The following CD99L2 variants were observed in gnomAD, a reference collection of about 807,000 sequenced individuals.
The protein encoded by CD99L2 is CD99 antigen-like protein 2.
CD99L2 carries 24 observed loss-of-function variants against 27.3 expected under a neutral mutation model. That is an observed-to-expected ratio of 0.88 (90% CI 0.64 to 1.24). The LOEUF (loss-of-function observed/expected upper bound fraction) is 1.24. Ranked by LOEUF, CD99L2 falls within the 50% of genes most tolerant of loss-of-function variation. The probability of loss-of-function intolerance (pLI) is 0.00; values close to 1 mark genes in which losing one functional copy is unlikely to be tolerated. For synonymous variants in CD99L2, 97 were observed against 87.9 expected (o/e 1.10, Z -0.58); for missense variants, 255 against 221.6 (o/e 1.15, Z -0.96).
intron 9 of CD99L2, chrX:150,771,781 GT>G: frequency 8.7e-7 from 1 of 1,153,546 alleles, no homozygotes; most frequent in Non-Finnish European, 1.1e-6. Context: ...CAAAAGGAAA[GT>G]GAGGAAGGCA....
chrX:150,784,638 A>T lies in CD99L2; in HGVS notation c.497-7156T>A, dbSNP rs1386845751. Among the ~76,000 whole-genome samples the T allele has an allele frequency of 8.0e-5, 9 of 112,211 alleles. No homozygotes were observed. In the Admixed American group the frequency reaches 8.5e-4, roughly 11 times the overall value. On this transcript the variant is annotated intron_variant, in intron 7 of 10. Coordinates refer to ENST00000370377, the MANE Select transcript of CD99L2 (RefSeq NM_031462.4). ...AGGTCATGCCATGATCCCACCAGTA[A>T]TGTGGCCCAGAGGATCAGCAGGCTC...
At chrX:150,889,267 C>T (rs1557422706) in intron 1 of CD99L2, among the ~76,000 whole-genome samples, 1 of 112,747 alleles carries the variant, frequency 8.9e-6, no homozygotes, top group African/African-American at 3.2e-5. Flanking sequence ...TTCAGATCCA[C>T]TCTCTGTGTC....
chrX:150,891,542 G>A (rs782752728), intron 1 of CD99L2, among the ~76,000 whole-genome samples: 97 of 112,011 alleles, frequency 8.7e-4, no homozygotes, highest in Non-Finnish European at 1.7e-3. Context: ...GATAATCCAG[G>A]ATAATAATAT....
intron 1 of CD99L2, among the ~76,000 whole-genome samples, chrX:150,839,674 C>A (rs781989433): frequency 5.5e-5 from 6 of 109,031 alleles, no homozygotes; most frequent in Non-Finnish European, 1.1e-4. Context: ...TCAAGACCAG[C>A]CTGGGTAACA....
intron 1 of CD99L2, among the ~76,000 whole-genome samples, chrX:150,890,625 C>T (rs2047497060): frequency 9.0e-6 from 1 of 110,601 alleles, no homozygotes; most frequent in Non-Finnish European, 1.9e-5. Context: ...CCCGCCCCCA[C>T]CTTGAGAGAG....
chrX:150,853,337 G>C (rs2046821710), intron 1 of CD99L2, among the ~76,000 whole-genome samples: 1 of 111,960 alleles, frequency 8.9e-6, no homozygotes, highest in Admixed American at 9.5e-5. Flanking sequence ...TGGTGGGGCA[G>C]CAAAGAGCAC....
At chrX:150,785,748 G>A (rs983880319) in intron 7 of CD99L2, among the ~76,000 whole-genome samples, 7 of 111,475 alleles carry the variant, frequency 6.3e-5, no homozygotes, top group Non-Finnish European at 7.5e-5. Context: ...CAAATAATAC[G>A]TACTCTTTTT....
intron 1 of CD99L2, among the ~76,000 whole-genome samples, chrX:150,850,222 T>C (rs2046768567): frequency 8.9e-6 from 1 of 112,158 alleles, no homozygotes; most frequent in Non-Finnish European, 1.9e-5. Flanking sequence ...GAAAGTCTCC[T>C]GTATGTCCTA....
Position 150,802,089 on chromosome X carries a change from CTA to C in CD99L2, c.278-6605_278-6604del, listed in dbSNP as rs782603754. Among the ~76,000 whole-genome samples the C allele has an allele frequency of 1.5e-3, 172 of 111,581 alleles. 1 individual carries two copies. The highest frequency in any genetic ancestry group is 2.8e-3 in the Non-Finnish European group (148 of 53,147). On this transcript the variant is annotated intron_variant, in intron 4 of 10. Transcript: ENST00000370377. ...ATATATACAGATTGGAAAGGAAGAACTATATATGTTTCTATTTGCAGATGACA... is the reference window on the plus strand; with the variant it reads ...ATATATACAGATTGGAAAGGAAGAACTATATGTTTCTATTTGCAGATGACA...
chrX:150,769,678 T>TAGGG lies in CD99L2; in HGVS notation c.722-578_722-577insCCCT, dbSNP rs1569565824. ...CCTGAGCTGTCCTAGTCTCCCTGCCTGCGCCACCAGGCCTCGGCTGCTCCC... is the reference window on the plus strand; with the variant it reads ...CCTGAGCTGTCCTAGTCTCCCTGCCTAGGGGCGCCACCAGGCCTCGGCTGCTCCC... On this transcript the variant is annotated intron_variant, in intron 10 of 10. Coordinates refer to ENST00000370377, the MANE Select transcript of CD99L2 (RefSeq NM_031462.4). 1.1e-3 allele frequency among the ~76,000 whole-genome samples: 97 copies of TAGGG among 89,095 alleles called. 5 individuals are homozygous for TAGGG. In the East Asian group the frequency reaches 0.033, roughly 30 times the overall value. The allele number at this position is 89,095 out of a possible 115,157, so 77.4% of individuals were successfully genotyped here. A position where few individuals can be genotyped will look rare whatever the true frequency, so the allele number is the denominator to read the frequency against.
intron 4 of CD99L2, among the ~76,000 whole-genome samples, chrX:150,813,673 G>T (rs2046106865): frequency 8.9e-6 from 1 of 111,996 alleles, no homozygotes; most frequent in Admixed American, 9.5e-5. Flanking sequence ...TACATTTCAA[G>T]CATTTATGTG....
intron 4 of CD99L2, among the ~76,000 whole-genome samples, chrX:150,813,153 G>A (rs1378742887): frequency 9.0e-6 from 1 of 111,506 alleles, no homozygotes; most frequent in Non-Finnish European, 1.9e-5. Flanking sequence ...TGACGGAACT[G>A]TTTGTATCTG....
intron 1 of CD99L2, among the ~76,000 whole-genome samples, chrX:150,852,617 T>A (rs1557421636): frequency 9.0e-6 from 1 of 110,590 alleles, no homozygotes; most frequent in Admixed American, 9.7e-5. Flanking sequence ...ATCCTCCTCA[T>A]CATCCCTCCC....
intron 7 of CD99L2, among the ~76,000 whole-genome samples, chrX:150,785,058 A>C (rs2045573736): frequency 9.0e-6 from 1 of 110,943 alleles, no homozygotes; most frequent in African/African-American, 3.3e-5. Flanking sequence ...GGTGGAAGGC[A>C]AGCAGTTTAG....
At chrX:150,797,084 T>C (rs2045808646) in intron 4 of CD99L2, among the ~76,000 whole-genome samples, 2 of 110,369 alleles carry the variant, frequency 1.8e-5, no homozygotes, top group South Asian at 3.8e-4. Context: ...TAATTCAAGA[T>C]GCTAGAAAAA....
chrX:150,879,472 A>T (rs2047286632), intron 1 of CD99L2, among the ~76,000 whole-genome samples: 1 of 111,220 alleles, frequency 9.0e-6, no homozygotes, highest in Non-Finnish European at 1.9e-5. Flanking sequence ...ACCATGAAGT[A>T]CCTGGCAACA....
At chrX:150,803,695 C>A (rs1422655368) in intron 4 of CD99L2, among the ~76,000 whole-genome samples, 1 of 111,850 alleles carries the variant, frequency 8.9e-6, no homozygotes, top group Non-Finnish European at 1.9e-5. Context: ...ACAAACGGTG[C>A]TGGAGTAATT....
intron 1 of CD99L2, among the ~76,000 whole-genome samples, chrX:150,896,937 A>G (rs2047621310): frequency 8.9e-6 from 1 of 112,248 alleles, no homozygotes; most frequent in Admixed American, 9.4e-5. Flanking sequence ...CACCTCTTAA[A>G]TCAACAATTG....
At chrX:150,885,858 C>T (rs1366997254) in intron 1 of CD99L2, among the ~76,000 whole-genome samples, 3 of 111,631 alleles carry the variant, frequency 2.7e-5, no homozygotes, top group African/African-American at 9.8e-5. Context: ...TTCACTGGTT[C>T]GCAGAAAATC....
Sources: gnomAD v4.1 joint callset for allele counts (sites outside exome capture counted in the v4.1 genomes callset) on GRCh38, gnomAD v4.1.1 for gene constraint, MANE v1.5 for transcripts, NCBI Gene and HGNC (gene_info 2026-07-23, HGNC 2026-07-21) for gene names.